ATP2B2: variants seen among roughly 807,000 people sequenced by gnomAD.
The protein encoded by ATP2B2 is ATPase plasma membrane Ca2+ transporting 2.
Under a neutral mutation model 120.0 loss-of-function variants are expected in ATP2B2, and 15 were observed. The ratio of observed to expected loss-of-function variants is 0.12; its 90% CI spans 0.08 to 0.19. The LOEUF is 0.19. Ranked by LOEUF, ATP2B2 falls within the 10% of genes least tolerant of loss-of-function variation. The pLI is 1.00. For missense variants in ATP2B2, 1,045 were observed against 1,719.8 expected, an observed-to-expected ratio of 0.61 and a Z score of 6.94; for synonymous variants, 694 against 700.3, an observed-to-expected ratio of 0.99 and a Z score of 0.14.
intron 2 of ATP2B2, among the ~76,000 whole-genome samples, chr3:10,602,621 C>T (rs1335611677): frequency 6.6e-6 from 1 of 152,196 alleles, no homozygotes; most frequent in East Asian, 1.9e-4. Context: ...CTGTTGATGA[C>T]AAGCGATATT....
chr3:10,409,968 T>G (rs73016702), intron 3 of ATP2B2, among the ~76,000 whole-genome samples: 1 of 152,104 alleles, frequency 6.6e-6, no homozygotes, highest in Non-Finnish European at 1.5e-5. Context: ...CCCTCACCTG[T>G]GTGCTTATTA....
chr3:10,610,139 GTATA>G (rs57524000), intron 2 of ATP2B2, among the ~76,000 whole-genome samples: 43,371 of 140,286 alleles, frequency 0.31, 8,361 homozygotes, highest in East Asian at 0.54. Flanking sequence ...ATATATACAT[GTATA>G]TATATATATA....
At chr3:10,641,951 C>T (rs1263654422) in intron 1 of ATP2B2, among the ~76,000 whole-genome samples, 4 of 149,222 alleles carry the variant, frequency 2.7e-5, no homozygotes, top group Non-Finnish European at 5.9e-5. Context: ...AAACCATTCA[C>T]TCACTCACCC....
At chr3:10,438,614 C>A (rs574236363) in intron 2 of ATP2B2, among the ~76,000 whole-genome samples, 4 of 152,346 alleles carry the variant, frequency 2.6e-5, no homozygotes, top group African/African-American at 9.6e-5. Flanking sequence ...GGGTCTGAAA[C>A]CACAGCAGGG....
chr3:10,434,906 C>T (rs73117755), intron 2 of ATP2B2, among the ~76,000 whole-genome samples: 3,708 of 152,328 alleles, frequency 0.024, 159 homozygotes, highest in African/African-American at 0.084. Flanking sequence ...CTCCCCTGGC[C>T]CCTCTTCCTC....
At chr3:10,433,258 A>G (rs1175794803) in intron 2 of ATP2B2, among the ~76,000 whole-genome samples, 1 of 152,118 alleles carries the variant, frequency 6.6e-6, no homozygotes, top group Non-Finnish European at 1.5e-5. Context: ...GGGCTCACCC[A>G]GGGATTTTCC....
upstream of ATP2B2, among the ~76,000 whole-genome samples, chr3:10,507,437 C>T (rs2125428646): frequency 6.6e-6 from 1 of 152,286 alleles, no homozygotes; most frequent in East Asian, 1.9e-4. Flanking sequence ...CAAGCATCTG[C>T]CCTTCCCCAA....
chr3:10,446,515 G>A (rs191614627), intron 2 of ATP2B2, among the ~76,000 whole-genome samples: 2 of 152,250 alleles, frequency 1.3e-5, no homozygotes, highest in South Asian at 2.1e-4. Flanking sequence ...ATGAAGAAAC[G>A]GGGGCACAAA....
chr3:10,450,684 G>A (rs1382733175), intron 1 of ATP2B2, among the ~76,000 whole-genome samples: 1 of 152,146 alleles, frequency 6.6e-6, no homozygotes, highest in Non-Finnish European at 1.5e-5. Flanking sequence ...GGGGAGGGGG[G>A]TCCCTATGGA....
chr3:10,456,476 A>G (rs2064264631), intron 1 of ATP2B2, among the ~76,000 whole-genome samples: 2 of 152,196 alleles, frequency 1.3e-5, no homozygotes, highest in Admixed American at 6.5e-5. Flanking sequence ...ACCCTCCCCA[A>G]CATGGAGACA....
intron 1 of ATP2B2, among the ~76,000 whole-genome samples, chr3:10,479,086 C>G (rs1029492010): frequency 1.6e-5 from 2 of 125,834 alleles, no homozygotes; most frequent in Admixed American, 1.7e-4. Flanking sequence ...GTCAATTAAA[C>G]CTCTTTTTAA....
At chr3:10,616,066 C>A (rs962026456) in intron 2 of ATP2B2, among the ~76,000 whole-genome samples, 1 of 152,152 alleles carries the variant, frequency 6.6e-6, no homozygotes, top group Non-Finnish European at 1.5e-5. Flanking sequence ...ACCTCCCTCC[C>A]CCGATCCCAC....
In ATP2B2 at chr3:10,329,075, C is replaced by T; in HGVS notation, c.3471G>A (p.Lys1157=). The T allele has an allele frequency of 6.2e-7, 1 of 1,613,484 alleles. No individual in the cohort carries two copies. Among genetic ancestry groups the T allele is most frequent in the Non-Finnish European group, 8.5e-7 (1 of 1,179,922 alleles). Residue 1157 remains lysine, a synonymous_variant, in exon 23 of 23, where the codon AAG becomes AAA. Coordinates refer to ENST00000360273, the MANE Select transcript of ATP2B2 (RefSeq NM_001001331.4). This position sits in a 1 kb window ranked among gnomAD's most constrained non-coding sequence, Gnocchi z 5.9. ...FRSSLYEGLE[K]PESRTSIHNF... The stretch of plus-strand genomic sequence containing the variant: ...TATGGATGGAGGTTCGAGATTCAGG[C>T]TTTTCTAAACCTTCATAGAGAGAGC...
rs1431759349 is a variant in ATP2B2 at position 10,559,404 on chromosome 3, A to T, written c.-414-25271T>A. On this transcript the variant is annotated intron_variant, in intron 2 of 21. Coordinates refer to the ATP2B2 transcript ENST00000646379. ...AGAGGATTTTGAATGTTCCCAACACAGAGAAATGATAAACGTTTGGGGCGA... is the reference window on the plus strand; with the variant it reads ...AGAGGATTTTGAATGTTCCCAACACTGAGAAATGATAAACGTTTGGGGCGA... Among the ~76,000 whole-genome samples the T allele has an allele frequency of 8.5e-5, 13 of 152,250 alleles. 1 individual carries two copies. The highest frequency in any genetic ancestry group is 8.5e-4 in the Admixed American group (13 of 15,290).
chr3:10,592,810 T>A (rs886999063), intron 2 of ATP2B2, among the ~76,000 whole-genome samples: 2 of 152,174 alleles, frequency 1.3e-5, no homozygotes, highest in Non-Finnish European at 2.9e-5. Context: ...TGGGACAGGA[T>A]CTAGCTCTGT....
At chr3:10,378,075 G>A (rs1470211597) in intron 10 of ATP2B2, among the ~76,000 whole-genome samples, 177 bp downstream of exon 10, 1 of 152,252 alleles carries the variant, frequency 6.6e-6, no homozygotes, top group African/African-American at 2.4e-5. Flanking sequence ...AGTGCTAATG[G>A]AGTGCCTTCT....
intron 2 of ATP2B2, among the ~76,000 whole-genome samples, chr3:10,427,838 G>A (rs914902889): frequency 7.9e-5 from 12 of 152,154 alleles, no homozygotes; most frequent in Non-Finnish European, 7.4e-5. Flanking sequence ...CTTCTCTCTC[G>A]TGGTGCCTAC....
chr3:10,397,598 T>G (rs2062081341), intron 5 of ATP2B2, among the ~76,000 whole-genome samples: 1 of 151,724 alleles, frequency 6.6e-6, no homozygotes, highest in South Asian at 2.1e-4. Flanking sequence ...AAAAGTTAAG[T>G]GGGCAAAGAG....
chr3:10,464,671 G>A (rs989012217), intron 1 of ATP2B2, among the ~76,000 whole-genome samples: 5 of 152,284 alleles, frequency 3.3e-5, no homozygotes, highest in Middle Eastern at 3.4e-3. Context: ...CACTTAAGTC[G>A]TTCTCTGGCC....
Sources: allele counts gnomAD v4.1 joint callset (sites outside exome capture counted in the v4.1 genomes callset), GRCh38; gene constraint gnomAD v4.1.1; non-coding constraint Gnocchi (gnomAD v3.1); transcripts MANE v1.5; gene names NCBI Gene and HGNC (gene_info 2026-07-23, HGNC 2026-07-21).